Variants in EFHC2 observed in about 807,000 individuals in gnomAD.
EFHC2 encodes the protein EF-hand domain-containing family member C2.
In EFHC2, 18 loss-of-function variants were observed where a neutral mutation model predicts 52.7. That is an observed-to-expected ratio of 0.34 (90% CI 0.24 to 0.51). The LOEUF (loss-of-function observed/expected upper bound fraction) is 0.51. Ranked by LOEUF, EFHC2 falls within the 20% of genes least tolerant of loss-of-function variation. EFHC2 has a pLI of 0.97. For missense variants in EFHC2, 513 were observed against 562.5 expected, an observed-to-expected ratio of 0.91 and a Z score of 0.89; for synonymous variants, 203 against 204.1, an observed-to-expected ratio of 0.99 and a Z score of 0.04.
chrX:44,189,237 T>C (rs1202902215), intron 11 of EFHC2, among the ~76,000 whole-genome samples: 1 of 110,605 alleles, frequency 9.0e-6, no homozygotes, highest in Non-Finnish European at 1.9e-5. Context: ...ATGTCAAACA[T>C]TGATCTGCTT....
At chrX:44,244,009 A>C (rs2037380661) in intron 7 of EFHC2, among the ~76,000 whole-genome samples, 1 of 111,336 alleles carries the variant, frequency 9.0e-6, no homozygotes, top group Non-Finnish European at 1.9e-5. Flanking sequence ...TATACATACA[A>C]CTCTACATAC....
chrX:44,289,091 C>G (rs1186989932), intron 2 of EFHC2, among the ~76,000 whole-genome samples: 1 of 111,530 alleles, frequency 9.0e-6, no homozygotes, highest in African/African-American at 3.3e-5. Flanking sequence ...CTAAATAATT[C>G]ATATTTTTTT....
At chrX:44,171,154 C>T (rs1416873038) in intron 13 of EFHC2, among the ~76,000 whole-genome samples, 1 of 111,431 alleles carries the variant, frequency 9.0e-6, no homozygotes, top group Non-Finnish European at 1.9e-5. Flanking sequence ...TACGACCCCT[C>T]GAACATGCTT....
At chrX:44,221,651 T>C (rs1026049475) in intron 11 of EFHC2, among the ~76,000 whole-genome samples, 14 of 111,824 alleles carry the variant, frequency 1.3e-4, no homozygotes, top group African/African-American at 4.2e-4. Flanking sequence ...CCCTTAACCC[T>C]GTTAAACAAA....
At chrX:44,283,375 G>C (rs752576126) in intron 2 of EFHC2, among the ~76,000 whole-genome samples, 2 of 110,796 alleles carry the variant, frequency 1.8e-5, no homozygotes, top group Non-Finnish European at 3.8e-5. Flanking sequence ...GTAGAGACGG[G>C]GTTTCACCGT....
intron 11 of EFHC2, among the ~76,000 whole-genome samples, chrX:44,214,852 A>G (rs999734712): frequency 5.4e-5 from 6 of 112,119 alleles, no homozygotes; most frequent in African/African-American, 1.9e-4. Context: ...GATACAAGAG[A>G]AGGGGGAAGG....
At chrX:44,280,827 G>A (rs1053022720) in intron 2 of EFHC2, among the ~76,000 whole-genome samples, 2 of 112,459 alleles carry the variant, frequency 1.8e-5, no homozygotes, top group Non-Finnish European at 3.8e-5. Context: ...TAATAGAAGA[G>A]CTTGACTAAA....
At chrX:44,150,062 G>A (rs2036558351) in intron 14 of EFHC2, among the ~76,000 whole-genome samples, 1 of 111,639 alleles carries the variant, frequency 9.0e-6, no homozygotes, top group South Asian at 3.7e-4. Context: ...TCAACAGGAG[G>A]CAAAGTTCAT....
At chrX:44,271,794 T>C (rs749275926) in intron 3 of EFHC2, among the ~76,000 whole-genome samples, 2 of 111,448 alleles carry the variant, frequency 1.8e-5, no homozygotes, top group African/African-American at 6.5e-5. Flanking sequence ...CTTACTGACC[T>C]GAACTCTGAC....
At position 44,220,190 on chromosome X, in the gene EFHC2, T is replaced by G. The variant is rs751300233; in HGVS notation, c.1751+9459A>C. Among the ~76,000 whole-genome samples the G allele has an allele frequency of 5.4e-5, 6 of 111,562 alleles. No individual in the cohort carries two copies. The East Asian group carries it at 1.7e-3, about 31-fold the overall frequency. On this transcript the variant is annotated intron_variant, in intron 11 of 14. Coordinates refer to ENST00000420999, the MANE Select transcript of EFHC2 (RefSeq NM_025184.4). The stretch of plus-strand genomic sequence containing the variant: ...CATGCACACACAACTTTTACATTTT[T>G]GGCATAAGTAGGATATTAACACACT...
intron 1 of EFHC2, among the ~76,000 whole-genome samples, chrX:44,331,314 T>C (rs1364000565): frequency 8.9e-6 from 1 of 112,301 alleles, no homozygotes; most frequent in Non-Finnish European, 1.9e-5. Context: ...TGTAACATTT[T>C]GAAATAGCAA....
chrX:44,291,328 T>C (rs1374648175), intron 2 of EFHC2, among the ~76,000 whole-genome samples: 1 of 112,065 alleles, frequency 8.9e-6, no homozygotes, highest in Non-Finnish European at 1.9e-5. Context: ...TTTAGCATGT[T>C]GAACATAAGA....
At chrX:44,175,752 G>A (rs1055703846) in intron 13 of EFHC2, among the ~76,000 whole-genome samples, 1 of 111,690 alleles carries the variant, frequency 9.0e-6, no homozygotes. Context: ...CATAAGAGAT[G>A]GCCAGAGTCT....
intron 14 of EFHC2, among the ~76,000 whole-genome samples, chrX:44,157,152 T>C: frequency 8.9e-6 from 1 of 112,301 alleles, no homozygotes; most frequent in Middle Eastern, 4.6e-3. Context: ...TATACTATAG[T>C]ACTCTTTAAA....
intron 3 of EFHC2, 126 bp downstream of exon 3, chrX:44,272,560 T>A (rs927062958): frequency 1.5e-6 from 1 of 654,506 alleles, no homozygotes; most frequent in East Asian, 3.7e-5. Flanking sequence ...ATGTTTATAT[T>A]CACCACTGCC....
intron 11 of EFHC2, among the ~76,000 whole-genome samples, chrX:44,202,574 A>G (rs1167783875): frequency 8.9e-6 from 1 of 112,032 alleles, no homozygotes; most frequent in Non-Finnish European, 1.9e-5. Flanking sequence ...TCTATTTCAA[A>G]GTGACAGAAA....
At chrX:44,240,530 T>C (rs1210045216) in intron 8 of EFHC2, among the ~76,000 whole-genome samples, 1 of 111,980 alleles carries the variant, frequency 8.9e-6, no homozygotes, top group Non-Finnish European at 1.9e-5. Flanking sequence ...CCCTCTCCTT[T>C]TACAATAGGG....
At chrX:44,299,892 A>G (rs1024957165) in intron 2 of EFHC2, among the ~76,000 whole-genome samples, 1 of 111,496 alleles carries the variant, frequency 9.0e-6, no homozygotes, top group Non-Finnish European at 1.9e-5. Flanking sequence ...TGAAAAGGGT[A>G]TTCAGGAACT....
intron 14 of EFHC2, among the ~76,000 whole-genome samples, chrX:44,154,133 C>T (rs1039688929): frequency 8.9e-5 from 10 of 112,454 alleles, no homozygotes; most frequent in Non-Finnish European, 1.5e-4. Context: ...AGCACCCCTT[C>T]CTATCCCCTC....
Sources: allele counts gnomAD v4.1 joint callset (sites outside exome capture counted in the v4.1 genomes callset), GRCh38; gene constraint gnomAD v4.1.1; transcripts MANE v1.5; gene names NCBI Gene and HGNC (gene_info 2026-07-23, HGNC 2026-07-21).